Variants in PPP2R5E observed in about 807,000 individuals in gnomAD.
The protein encoded by PPP2R5E is serine/threonine-protein phosphatase 2A 56 kDa regulatory subunit epsilon isoform.
In PPP2R5E, 4 loss-of-function variants were observed where a neutral mutation model predicts 65.3. The ratio of observed to expected loss-of-function variants is 0.06; its 90% CI spans 0.03 to 0.14. PPP2R5E has a LOEUF of 0.14. Ranked by LOEUF, PPP2R5E falls within the 10% of genes least tolerant of loss-of-function variation. The pLI is 1.00. For synonymous variants in PPP2R5E, 183 were observed against 187.4 expected (o/e 0.98, Z 0.19); for missense variants, 274 against 556.1 (o/e 0.49, Z 5.10).
intron 3 of PPP2R5E, among the ~76,000 whole-genome samples, chr14:63,432,124 T>C (rs1887708368): frequency 6.6e-6 from 1 of 152,118 alleles, no homozygotes; most frequent in African/African-American, 2.4e-5. Context: ...ATTAAATTAA[T>C]AGAAGTCTTG....
intron 5 of PPP2R5E, among the ~76,000 whole-genome samples, chr14:63,400,699 C>CAAAAAAATAAA (rs1555356630): frequency 1.4e-5 from 1 of 73,730 alleles, no homozygotes; most frequent in African/African-American, 4.6e-5. Flanking sequence ...CCCAACCAGC[C>CAAAAAAATAAA]AAAAAAAAAA....
chr14:63,413,657 C>A (rs949569732), intron 5 of PPP2R5E, among the ~76,000 whole-genome samples: 2 of 152,198 alleles, frequency 1.3e-5, no homozygotes, highest in Non-Finnish European at 2.9e-5. Flanking sequence ...GCACTATATA[C>A]ATGCAAGGCT....
intron 5 of PPP2R5E, among the ~76,000 whole-genome samples, chr14:63,399,996 CA>C (rs5809199): frequency 6.6e-6 from 1 of 151,754 alleles, no homozygotes; most frequent in Non-Finnish European, 1.5e-5. Flanking sequence ...AGTTATGGAC[CA>C]AAAAAAGGCC....
intron 5 of PPP2R5E, among the ~76,000 whole-genome samples, chr14:63,405,892 T>G (rs1228233966): frequency 6.6e-6 from 1 of 152,150 alleles, no homozygotes; most frequent in Non-Finnish European, 1.5e-5. Context: ...AAATCAACAT[T>G]ACCACAGACA....
chr14:63,404,119 GAC>G (rs145106896), intron 5 of PPP2R5E, among the ~76,000 whole-genome samples: 1,535 of 152,264 alleles, frequency 0.01, 29 homozygotes, highest in Admixed American at 0.049. Flanking sequence ...TGAGGCAAGA[GAC>G]TGCTATTTTT....
At chr14:63,498,242 A>G (rs1158946268) in intron 2 of PPP2R5E, among the ~76,000 whole-genome samples, 1 of 152,232 alleles carries the variant, frequency 6.6e-6, no homozygotes, top group African/African-American at 2.4e-5. Flanking sequence ...TCAGTGAAAA[A>G]GCAAAGATTG....
At chr14:63,457,849 G>C (rs2139495459) in intron 2 of PPP2R5E, among the ~76,000 whole-genome samples, 1 of 152,232 alleles carries the variant, frequency 6.6e-6, no homozygotes, top group Middle Eastern at 3.4e-3. Context: ...TGCTCTAGAA[G>C]AATTCTTAAA....
chr14:63,532,396 C>T (rs1180131424), intron 2 of PPP2R5E, among the ~76,000 whole-genome samples: 1 of 152,162 alleles, frequency 6.6e-6, no homozygotes, highest in East Asian at 1.9e-4. Context: ...AGATGCAACT[C>T]TCCAGGTGAA....
At chr14:63,416,967 T>A (rs1379783551) in intron 4 of PPP2R5E, among the ~76,000 whole-genome samples, 1 of 152,208 alleles carries the variant, frequency 6.6e-6, no homozygotes, top group African/African-American at 2.4e-5. Context: ...TTGTAGATAT[T>A]CTTCTTTGAT....
rs1037300175 is a variant in PPP2R5E, at chr14:63,462,920, T to C, written c.158-9035A>G. 3.3e-5 allele frequency among the ~76,000 whole-genome samples: 5 copies of C among 151,668 alleles called. No individual in the cohort carries two copies. The East Asian group carries it at 7.9e-4, about 24-fold the overall frequency. On this transcript the variant is annotated intron_variant, in intron 2 of 13. Coordinates refer to ENST00000337537, the MANE Select transcript of PPP2R5E (RefSeq NM_006246.5). Reference sequence around the variant, plus strand: ...GAGTTCGAGACCAGCCTGACCAACATAGAGAAACTCTATCTCTACTAAAAA... The same window carrying C: ...GAGTTCGAGACCAGCCTGACCAACACAGAGAAACTCTATCTCTACTAAAAA...
chr14:63,436,462 G>A (rs570997750), intron 3 of PPP2R5E, among the ~76,000 whole-genome samples: 37 of 152,288 alleles, frequency 2.4e-4, no homozygotes, highest in African/African-American at 7.7e-4. Flanking sequence ...CTATGTGCAC[G>A]TCTCTGTGTG....
chr14:63,540,631 G>A (rs867863434), intron 1 of PPP2R5E, among the ~76,000 whole-genome samples: 3 of 150,514 alleles, frequency 2.0e-5, no homozygotes, highest in South Asian at 4.2e-4. Flanking sequence ...GCTGAGGCAG[G>A]AGAATCACTT....
At chr14:63,531,608 C>T (rs1893438480) in intron 2 of PPP2R5E, among the ~76,000 whole-genome samples, 1 of 152,074 alleles carries the variant, frequency 6.6e-6, no homozygotes, top group Non-Finnish European at 1.5e-5. Flanking sequence ...CATCTATTAA[C>T]ATATAGATGT....
chr14:63,522,194 C>T (rs1034494820), intron 2 of PPP2R5E, among the ~76,000 whole-genome samples: 22 of 152,300 alleles, frequency 1.4e-4, no homozygotes, highest in African/African-American at 5.3e-4. Context: ...GATCCACCAG[C>T]CTCGGCCTCC....
intron 13 of PPP2R5E, among the ~76,000 whole-genome samples, chr14:63,378,433 T>C (rs1884112813): frequency 6.6e-6 from 1 of 152,204 alleles, no homozygotes; most frequent in Non-Finnish European, 1.5e-5. Flanking sequence ...TAGGCATAAA[T>C]TGGTTAATTA....
chr14:63,532,630 G>A (rs1347408007), intron 2 of PPP2R5E, among the ~76,000 whole-genome samples: 1 of 152,092 alleles, frequency 6.6e-6, no homozygotes, highest in East Asian at 1.9e-4. Flanking sequence ...AGTATTTACT[G>A]AATGTGGCAC....
intron 2 of PPP2R5E, among the ~76,000 whole-genome samples, chr14:63,485,250 A>C (rs1890923145): frequency 6.6e-6 from 1 of 151,816 alleles, no homozygotes; most frequent in African/African-American, 2.4e-5. Context: ...AGATATGTGA[A>C]TACCCTCTTC....
At chr14:63,534,935 C>T (rs1293765170) in intron 2 of PPP2R5E, among the ~76,000 whole-genome samples, 1 of 152,140 alleles carries the variant, frequency 6.6e-6, no homozygotes, top group Non-Finnish European at 1.5e-5. Flanking sequence ...AATGTTAAGG[C>T]TCTCCAAGAA....
At chr14:63,535,814 CA>C (rs927672662) in intron 2 of PPP2R5E, among the ~76,000 whole-genome samples, 1 of 152,130 alleles carries the variant, frequency 6.6e-6, no homozygotes, top group African/African-American at 2.4e-5. Flanking sequence ...AAAATTAAAT[CA>C]ATAACTACCC....
Sources: allele counts gnomAD v4.1 joint callset (sites outside exome capture counted in the v4.1 genomes callset), GRCh38; gene constraint gnomAD v4.1.1; transcripts MANE v1.5; gene names NCBI Gene and HGNC (gene_info 2026-07-23, HGNC 2026-07-21).